ZNF48: variants seen among roughly 807,000 people sequenced by gnomAD.
ZNF48 encodes the protein zinc finger protein 48.
A neutral mutation model predicts 40.0 loss-of-function variants in ZNF48; 20 were observed. That is an observed-to-expected ratio of 0.50 (90% CI 0.35 to 0.73). The LOEUF (loss-of-function observed/expected upper bound fraction) is 0.73. ZNF48 is among the 30% of genes least tolerant of loss of function. The pLI is 0.01. For synonymous variants in ZNF48, 298 were observed against 329.7 expected (o/e 0.90, Z 1.04); for missense variants, 726 against 851.9 (o/e 0.85, Z 1.84).
exon 1 of ZNF48, chr16:30,378,409 A>G: frequency 6.5e-7 from 1 of 1,544,726 alleles, no homozygotes; most frequent in Non-Finnish European, 8.7e-7. Flanking sequence ...GGCGGAGCCG[A>G]GGTAAGGCCG....
Position 30,397,568 on chromosome 16 carries a change from T to G in ZNF48, c.318T>G (p.Ala106=), listed in dbSNP as rs749706316. Residue 106 remains alanine, a synonymous_variant, in exon 3 of 3, where the codon GCT becomes GCG. Transcript: ENST00000613509. This position sits in a 1 kb window ranked among gnomAD's most constrained non-coding sequence, Gnocchi z 4.1. ...RLLGEPRWGQ[A]SSDRAAVCGE... ...TGGGTGAACCACGCTGGGGCCAGGC[T>G]AGTAGTGATCGGGCCGCTGTGTGTG... is the stretch of plus-strand genomic sequence containing the variant. The G allele has an allele frequency of 1.4e-5, 23 of 1,613,914 alleles. No individual in the cohort carries two copies. The East Asian group carries it at 4.5e-4, about 31-fold the overall frequency.
chr16:30,385,584 C>G (rs2151113403), intron 1 of ZNF48, among the ~76,000 whole-genome samples: 1 of 152,080 alleles, frequency 6.6e-6, no homozygotes, highest in African/African-American at 2.4e-5. Context: ...AAGATCACAC[C>G]ACTGCACTCC....
At chr16:30,391,306 C>T (rs1831234949), upstream of ZNF48, among the ~76,000 whole-genome samples, 1 of 152,132 alleles carries the variant, frequency 6.6e-6, no homozygotes, top group Non-Finnish European at 1.5e-5. Context: ...TCTCCTGCCT[C>T]AGCCTCCTGA....
chr16:30,381,679 C>A lies in ZNF48; in HGVS notation c.-16+3269C>A. On this transcript the variant is annotated intron_variant, in intron 1 of 2. Coordinates refer to the ZNF48 transcript ENST00000528032. This position sits in a 1 kb window ranked among gnomAD's most constrained non-coding sequence, Gnocchi z 4.3. Reference sequence around the variant, plus strand: ...AGACACCACCTTTTGAGATAGGGAGCCAGCACAAACCAGTCCTGTAACTCT... The same window carrying A: ...AGACACCACCTTTTGAGATAGGGAGACAGCACAAACCAGTCCTGTAACTCT... The A allele has an allele frequency of 6.4e-7, 1 of 1,571,000 alleles. No individual in the cohort carries two copies. Among genetic ancestry groups the A allele is most frequent in the Non-Finnish European group, 8.6e-7 (1 of 1,158,334 alleles).
At chr16:30,384,244 T>C (rs1454334562) in intron 1 of ZNF48, among the ~76,000 whole-genome samples, 1 of 145,768 alleles carries the variant, frequency 6.9e-6, no homozygotes, top group Non-Finnish European at 1.5e-5. Flanking sequence ...CAAATCTACC[T>C]CAGGACCGCT....
At chr16:30,386,603 C>T (rs1208980548) in intron 1 of ZNF48, among the ~76,000 whole-genome samples, 5 of 152,162 alleles carry the variant, frequency 3.3e-5, no homozygotes, top group Non-Finnish European at 7.3e-5. Context: ...GTCTGTGTGA[C>T]AGAGCCAGAC....
At chr16:30,389,815 A>ATTTTTTTT (rs2049928249) in intron 1 of ZNF48, among the ~76,000 whole-genome samples, 1 of 10,512 alleles carries the variant, frequency 9.5e-5, no homozygotes, top group Admixed American at 1.3e-3. Flanking sequence ...CATTTGGATT[A>ATTTTTTTT]GTTTTTTTTT....
At chr16:30,391,620 C>T (rs578152246), upstream of ZNF48, among the ~76,000 whole-genome samples, 15 of 151,592 alleles carry the variant, frequency 9.9e-5, no homozygotes, top group Non-Finnish European at 7.4e-5. Context: ...CTCCGCCTCC[C>T]GAGTAGCTGG....
rs564587908 is a variant in ZNF48, at chr16:30,395,997, G to T, written c.79+124G>T. 1.2e-4 allele frequency: 129 copies of T among 1,061,084 alleles called. No homozygotes were observed. In the South Asian group the frequency reaches 2.7e-3, roughly 22 times the overall value. 65.7% of individuals were successfully genotyped at this position (1,061,084 alleles called of 1,614,324 possible). On this transcript the variant is annotated intron_variant, in intron 2 of 2. Transcript: ENST00000613509. The surrounding 1 kb of genome is among the most constrained non-coding windows in gnomAD (Gnocchi z 5.9). The stretch of plus-strand genomic sequence containing the variant: ...AGCTGTGCCTCTGGGGAGATAGGGG[G>T]AGGGGAGCTTTCGGAGCACCAACTG...
chr16:30,393,697 C>T (rs1420624177), upstream of ZNF48, among the ~76,000 whole-genome samples: 1 of 151,840 alleles, frequency 6.6e-6, no homozygotes, highest in African/African-American at 2.4e-5. Flanking sequence ...GTCCATATAA[C>T]TACCTTAACA....
At chr16:30,386,820 A>T (rs1404453657) in intron 1 of ZNF48, among the ~76,000 whole-genome samples, 1 of 151,128 alleles carries the variant, frequency 6.6e-6, no homozygotes, top group Non-Finnish European at 1.5e-5. Context: ...ATGTGCCACC[A>T]CGCCCAGGTA....
In ZNF48 at chr16:30,379,030, C is replaced by T. The variant is rs532465703; in HGVS notation, c.-16+620C>T. ...CCCCGGGTCTCACCTGCGGCTGGCT[C>T]GATCGCGAGCCCCAGGCCGGGCCAG... On this transcript the variant is annotated intron_variant, in intron 1 of 2. Coordinates refer to the ZNF48 transcript ENST00000528032. The T allele has an allele frequency of 8.7e-6, 14 of 1,612,804 alleles. No individual in the cohort carries two copies. The African/African-American group carries it at 9.3e-5, about 11-fold the overall frequency.
chr16:30,385,217 ATAATAT>A (rs913473296), intron 1 of ZNF48, among the ~76,000 whole-genome samples: 4 of 129,920 alleles, frequency 3.1e-5, no homozygotes, highest in African/African-American at 9.2e-5. Flanking sequence ...AATAATAATA[ATAATAT>A]AAATAAATAA....
At chr16:30,396,882 G>A (rs368105965) in intron 2 of ZNF48, among the ~76,000 whole-genome samples, 2 of 151,366 alleles carry the variant, frequency 1.3e-5, no homozygotes, top group African/African-American at 4.9e-5. Context: ...TGTAGAGTTA[G>A]GGTCTCACCA....
rs762078433 is a variant in ZNF48 at position 30,382,141 on chromosome 16, G to A, written c.-16+3731G>A. ...TCCTCATAGAGGTTGGTGAGGAAGA[G>A]GCTGTTGATGAGGGTGGATTTCCCT... On this transcript the variant is annotated intron_variant, in intron 1 of 2. Transcript: ENST00000528032. This position sits in a 1 kb window ranked among gnomAD's most constrained non-coding sequence, Gnocchi z 4.8. The A allele has an allele frequency of 3.1e-6, 5 of 1,595,644 alleles. No homozygotes were observed. The highest frequency in any genetic ancestry group is 3.4e-6 in the Non-Finnish European group (4 of 1,171,112).
Position 30,381,220 on chromosome 16 carries a change from G to T in ZNF48, c.-16+2810G>T. 6.2e-7 allele frequency: 1 copy of T among 1,614,060 alleles called. No individual in the cohort carries two copies. The highest frequency in any genetic ancestry group is 1.3e-5 in the African/African-American group (1 of 74,986). Reference sequence around the variant, plus strand: ...TGACTTTCTCGTGTACTGCCCGGAGGAAGGCCACATCTAGGGGCCGGAGCC... The same window carrying T: ...TGACTTTCTCGTGTACTGCCCGGAGTAAGGCCACATCTAGGGGCCGGAGCC... On this transcript the variant is annotated intron_variant, in intron 1 of 2. Transcript: ENST00000528032. This position sits in a 1 kb window ranked among gnomAD's most constrained non-coding sequence, Gnocchi z 4.3.
intron 1 of ZNF48, among the ~76,000 whole-genome samples, chr16:30,389,700 T>C (rs962774738): frequency 6.6e-6 from 1 of 151,746 alleles, no homozygotes; most frequent in African/African-American, 2.4e-5. Context: ...ATCATTCATA[T>C]GATATTTGGG....
At position 30,387,234 on chromosome 16, in the gene ZNF48, C is replaced by T. The variant is rs542009057; in HGVS notation, c.-15-8546C>T. 3.0e-3 allele frequency among the ~76,000 whole-genome samples: 444 copies of T among 146,686 alleles called. 2 individuals are homozygous for T. Among genetic ancestry groups the T allele is most frequent in the Non-Finnish European group, 4.3e-3 (282 of 66,348 alleles). On this transcript the variant is annotated intron_variant, in intron 1 of 2. Transcript: ENST00000528032. ...CTGGGATTACAGGCGTGAGCCACCG[C>T]GCCCGGCCTTTTTTTTTTTTTTTTA...
intron 1 of ZNF48, chr16:30,379,045 G>T: frequency 6.2e-7 from 1 of 1,613,656 alleles, no homozygotes; most frequent in South Asian, 1.1e-5. Context: ...GCGAGCCCCA[G>T]GCCGGGCCAG....
Sources: allele counts gnomAD v4.1 joint callset (sites outside exome capture counted in the v4.1 genomes callset), GRCh38; gene constraint gnomAD v4.1.1; non-coding constraint Gnocchi (gnomAD v3.1); transcripts MANE v1.5; gene names NCBI Gene and HGNC (gene_info 2026-07-23, HGNC 2026-07-21).